Variants in ZNF709 observed in about 807,000 individuals in gnomAD.
The protein encoded by ZNF709 is zinc finger protein 709.
ZNF709 carries 15 observed loss-of-function variants against 10.6 expected under a neutral mutation model. The ratio of observed to expected loss-of-function variants is 1.41; its 90% CI spans 0.95 to 2.18. The LOEUF (loss-of-function observed/expected upper bound fraction) is 2.18. Ranked by LOEUF, ZNF709 falls within the 30% of genes most tolerant of loss-of-function variation. The probability of loss-of-function intolerance (pLI) is 0.00; values close to 1 mark genes in which losing one functional copy is unlikely to be tolerated. For synonymous variants in ZNF709, 194 were observed against 238.8 expected, an observed-to-expected ratio of 0.81 and a Z score of 1.73; for missense variants, 589 against 774.0, an observed-to-expected ratio of 0.76 and a Z score of 2.84.
intron 1 of ZNF709, among the ~76,000 whole-genome samples, chr19:12,469,061 C>T (rs540430413): frequency 1.3e-5 from 2 of 152,098 alleles, no homozygotes; most frequent in Admixed American, 1.3e-4. Flanking sequence ...AGGATGGTCT[C>T]GATCTCCTGA....
chr19:12,465,104 G>C lies in ZNF709; in HGVS notation c.818C>G (p.Thr273Ser). Residue 273 changes from threonine (T) to serine (S), a missense_variant, in exon 4 of 4, where the codon ACT (threonine) becomes AGT (serine). Physicochemically the swap from Thr to Ser is moderately conservative, Grantham distance 58. Coordinates refer to ENST00000397732, the MANE Select transcript of ZNF709 (RefSeq NM_152601.4). ...CTGATAGGGTTTTTCCCCAGTGTGA[G>C]TCCTTTCATGTATTTGAAAAGTTTG... The part of the protein sequence containing the change: ...YYQTFQIHER[T>S]HTGEKPYQCK... 1 of 1,612,404 alleles carries C rather than the reference G, an allele frequency of 6.2e-7. No homozygotes were observed. The highest frequency in any genetic ancestry group is 8.5e-7 in the Non-Finnish European group (1 of 1,179,462).
At chr19:12,481,732 A>G (rs1183513324) in intron 1 of ZNF709, among the ~76,000 whole-genome samples, 2 of 152,088 alleles carry the variant, frequency 1.3e-5, no homozygotes, top group Non-Finnish European at 2.9e-5. Context: ...CAGCCTGGAC[A>G]CAGTGAGGAT....
Position 12,465,640 on chromosome 19 carries a change from TTTC to T in ZNF709, c.279_281del (p.Lys94del). On this transcript the variant is annotated inframe_deletion, in exon 4 of 4. Coordinates refer to ENST00000397732, the MANE Select transcript of ZNF709 (RefSeq NM_152601.4). ...CATATGGTTTTACTCTAGTAAAAGT[TTTC>T]TTGTTTGGTTTAGGATTTGGAGTCT... 6.2e-7 allele frequency: 1 copy of T among 1,613,120 alleles called. No homozygotes were observed.
At chr19:12,475,257 T>TA (rs71166684) in intron 1 of ZNF709, among the ~76,000 whole-genome samples, 14,735 of 44,626 alleles carry the variant, frequency 0.33, 2,806 homozygotes, top group South Asian at 0.38. Flanking sequence ...GATTCCGTCT[T>TA]AAAAAAAAAA....
At chr19:12,477,108 A>C (rs1209802568) in intron 1 of ZNF709, among the ~76,000 whole-genome samples, 1 of 152,128 alleles carries the variant, frequency 6.6e-6, no homozygotes, top group African/African-American at 2.4e-5. Context: ...TCCATGTTGG[A>C]TATTGGTATA....
At chr19:12,477,222 C>G (rs74729790) in intron 1 of ZNF709, among the ~76,000 whole-genome samples, 1 of 152,140 alleles carries the variant, frequency 6.6e-6, no homozygotes, top group Admixed American at 6.5e-5. Flanking sequence ...ACTTTTAAAA[C>G]GAGAAGCACG....
chr19:12,466,845 T>C lies in ZNF709; in HGVS notation c.9A>G (p.Ser3=), dbSNP rs781411900. MD[S]VVFEDVAVNF... ...TCACAGCCACATCCTCAAAGACCAC[T>C]GAGTCCTGAAACATCCCACATGTAT... Residue 3 remains serine (S), a synonymous_variant, in exon 2 of 4, where the codon TCA becomes TCG. Transcript: ENST00000397732. The C allele has an allele frequency of 1.2e-6, 2 of 1,613,656 alleles. No homozygotes were observed. Among genetic ancestry groups the C allele is most frequent in the South Asian group, 2.2e-5 (2 of 91,072 alleles).
intron 1 of ZNF709, among the ~76,000 whole-genome samples, chr19:12,469,550 C>CTT: frequency 1.3e-5 from 2 of 151,974 alleles, no homozygotes; most frequent in Non-Finnish European, 2.9e-5. Context: ...GGGTGGATCA[C>CTT]GAGGTCAGGA....
chr19:12,473,534 T>C (rs1403163808), intron 1 of ZNF709, among the ~76,000 whole-genome samples: 1 of 152,206 alleles, frequency 6.6e-6, no homozygotes, highest in Non-Finnish European at 1.5e-5. Flanking sequence ...TAAATTTATA[T>C]TTTTAAATCA....
At chr19:12,483,797 T>C (rs746688448) in intron 1 of ZNF709, among the ~76,000 whole-genome samples, 1 of 152,102 alleles carries the variant, frequency 6.6e-6, no homozygotes, top group African/African-American at 2.4e-5. Context: ...TGAGAATCAA[T>C]TAAGTGAGTA....
At chr19:12,481,562 T>C (rs1970727218) in intron 1 of ZNF709, among the ~76,000 whole-genome samples, 2 of 152,124 alleles carry the variant, frequency 1.3e-5, no homozygotes, top group African/African-American at 2.4e-5. Flanking sequence ...TTTCTTGCCT[T>C]AGTTGCATCA....
chr19:12,468,669 G>T (rs1364656754), intron 1 of ZNF709, among the ~76,000 whole-genome samples: 2 of 125,818 alleles, frequency 1.6e-5, no homozygotes, highest in Non-Finnish European at 3.3e-5. Flanking sequence ...CCCTCTGCGA[G>T]AAACACCCAA....
intron 1 of ZNF709, among the ~76,000 whole-genome samples, chr19:12,470,821 G>C (rs1465509286): frequency 6.6e-6 from 1 of 151,912 alleles, no homozygotes; most frequent in Non-Finnish European, 1.5e-5. Flanking sequence ...CAGCTACTCG[G>C]GAGGCTGAGG....
chr19:12,478,988 A>T (rs1568249028), intron 1 of ZNF709, among the ~76,000 whole-genome samples: 1 of 152,212 alleles, frequency 6.6e-6, no homozygotes, highest in Admixed American at 6.5e-5. Context: ...TATAAAAAGA[A>T]ACACTGACAG....
chr19:12,465,109 T>C lies in ZNF709; in HGVS notation c.813A>G (p.Glu271=). 1 of 1,612,384 alleles carries C rather than the reference T, an allele frequency of 6.2e-7. No homozygotes were observed. The highest frequency in any genetic ancestry group is 8.5e-7 in the Non-Finnish European group (1 of 1,179,442). The change falls in exon 4 of 4, where the codon GAA becomes GAG. Residue 271 remains glutamate, a synonymous_variant. Transcript: ENST00000397732. ...AGGGTTTTTCCCCAGTGTGAGTCCT[T>C]TCATGTATTTGAAAAGTTTGGTAAT... The part of the protein sequence containing the change: ...FRYYQTFQIH[E]RTHTGEKPYQ...
Position 12,464,923 on chromosome 19 carries a change from C to A in ZNF709, c.999G>T (p.Glu333Asp). ...FRKHERIHTG[E>D]KPYDCKECGK... The stretch of plus-strand genomic sequence containing the variant: ...CACATTCCTTACAATCATAGGGTTT[C>A]TCTCCTGTATGAATTCTTTCATGTT... The change falls in exon 4 of 4, where the codon GAG (glutamate) becomes GAT (aspartate). Residue 333 changes from glutamate to aspartate, a missense_variant. Physicochemically the swap from Glu to Asp is conservative, Grantham distance 45. This residue lies in a region of ZNF709 where 418 missense variants were observed against 496.3 expected (regional missense o/e 0.84). Coordinates refer to ENST00000397732, the MANE Select transcript of ZNF709 (RefSeq NM_152601.4). The A allele has an allele frequency of 6.2e-7, 1 of 1,609,748 alleles. No homozygotes were observed. Among genetic ancestry groups the A allele is most frequent in the African/African-American group, 1.3e-5 (1 of 74,570 alleles).
chr19:12,483,192 G>A (rs1280939937), intron 1 of ZNF709, among the ~76,000 whole-genome samples: 2 of 152,094 alleles, frequency 1.3e-5, no homozygotes, highest in African/African-American at 2.4e-5. Context: ...TCAGCCTGGA[G>A]TGCAGTGGCA....
At chr19:12,469,749 A>C (rs2144994530) in intron 1 of ZNF709, among the ~76,000 whole-genome samples, 1 of 152,140 alleles carries the variant, frequency 6.6e-6, no homozygotes, top group Non-Finnish European at 1.5e-5. Flanking sequence ...AGCCTGGGTG[A>C]CAGAGCAAGA....
At position 12,464,774 on chromosome 19, in the gene ZNF709, T is replaced by C. The variant is rs1300195363; in HGVS notation, c.1148A>G (p.Glu383Gly). ...GGGTTTCTCTCCAGTGTGAGTTCGT[T>C]CATGGATTTGAAAAGAACTAGGACA... ...FDCPSSFQIH[E>G]RTHTGEKPYE... Residue 383 changes from glutamate (E) to glycine (G), a missense_variant, in exon 4 of 4, where the codon GAA becomes GGA. Transcript: ENST00000397732. 6.2e-7 allele frequency: 1 copy of C among 1,613,754 alleles called. No individual in the cohort carries two copies. The highest frequency in any genetic ancestry group is 1.7e-5 in the Admixed American group (1 of 59,992).
Sources: allele counts gnomAD v4.1 joint callset (sites outside exome capture counted in the v4.1 genomes callset), GRCh38; gene constraint gnomAD v4.1.1; regional missense constraint gnomAD v4.1.1; transcripts MANE v1.5; gene names NCBI Gene and HGNC (gene_info 2026-07-23, HGNC 2026-07-21).